ABL2: variants seen among roughly 807,000 people sequenced by gnomAD.
ABL2 encodes tyrosine-protein kinase ABL2.
ABL2 carries 49 observed loss-of-function variants against 107.7 expected under a neutral mutation model. The ratio of observed to expected loss-of-function variants is 0.45; its 90% CI spans 0.36 to 0.58. The LOEUF (loss-of-function observed/expected upper bound fraction) is 0.58. ABL2 is among the 20% of genes least tolerant of loss of function. The probability of loss-of-function intolerance (pLI) is 0.00; values close to 1 mark genes in which losing one functional copy is unlikely to be tolerated. For missense variants in ABL2, 1,245 were observed against 1,457.0 expected, an observed-to-expected ratio of 0.85 and a Z score of 2.37; for synonymous variants, 549 against 548.6, an observed-to-expected ratio of 1.00 and a Z score of -0.01.
At position 179,110,371 on chromosome 1, in the gene ABL2, G is replaced by A; in HGVS notation, c.1736C>T (p.Thr579Ile). The change falls in exon 11 of 12, where the codon ACT becomes ATT. Residue 579 changes from threonine (T) to isoleucine (I), a missense_variant. This residue lies in a region of ABL2 where 761 missense variants were observed against 766.4 expected (regional missense o/e 0.99). Transcript: ENST00000502732. ...CTCCACCTGTTTCTTCAGTGTCCGA[G>A]TCTTGGAAGGAAGTATAGGTAGCCG... ...LPRLPILPSKTRTLKKQVENK... is the reference protein window; with the variant it reads ...LPRLPILPSKIRTLKKQVENK... 1.2e-6 allele frequency: 2 copies of A among 1,614,200 alleles called. No homozygotes were observed. Among genetic ancestry groups the A allele is most frequent in the Non-Finnish European group, 1.7e-6 (2 of 1,180,042 alleles).
intron 1 of ABL2, among the ~76,000 whole-genome samples, chr1:179,228,026 G>T (rs1459434682): frequency 6.9e-6 from 1 of 145,964 alleles, no homozygotes; most frequent in Admixed American, 6.9e-5. Flanking sequence ...CTCCAGCCTG[G>T]GCGACAGAAT....
At chr1:179,218,475 C>A (rs769954655) in intron 1 of ABL2, among the ~76,000 whole-genome samples, 2 of 152,192 alleles carry the variant, frequency 1.3e-5, no homozygotes, top group Non-Finnish European at 2.9e-5. Flanking sequence ...CGGCTCACTG[C>A]AGCCTCTGCC....
chr1:179,200,603 C>T (rs1661613049), intron 1 of ABL2, among the ~76,000 whole-genome samples: 1 of 152,152 alleles, frequency 6.6e-6, no homozygotes, highest in South Asian at 2.1e-4. Context: ...AAAATGCTAC[C>T]TACCCATTGA....
chr1:179,141,792 C>G (rs1657617682), intron 1 of ABL2, among the ~76,000 whole-genome samples: 1 of 152,194 alleles, frequency 6.6e-6, no homozygotes. Flanking sequence ...AAACACCATT[C>G]TACCCATTAG....
intron 1 of ABL2, among the ~76,000 whole-genome samples, chr1:179,172,369 T>C (rs1257197745): frequency 6.6e-6 from 1 of 152,158 alleles, no homozygotes; most frequent in African/African-American, 2.4e-5. Flanking sequence ...TGCACATTGT[T>C]CTAAGTCAGT....
Position 179,211,360 on chromosome 1 carries a change from T to C in ABL2, c.157+17881A>G, listed in dbSNP as rs192238535. On this transcript the variant is annotated intron_variant, in intron 1 of 11. Coordinates refer to ENST00000502732, the MANE Select transcript of ABL2 (RefSeq NM_007314.4). ...AAAAGAGATGTAATCCCTAAAAAAATTTTTTTTTTAATTTAACCAGGTGGG... is the reference window on the plus strand; with the variant it reads ...AAAAGAGATGTAATCCCTAAAAAAACTTTTTTTTTAATTTAACCAGGTGGG... Among the ~76,000 whole-genome samples the C allele has an allele frequency of 2.0e-5, 3 of 150,024 alleles. No individual in the cohort carries two copies. The East Asian group carries it at 5.9e-4, about 29-fold the overall frequency.
intron 1 of ABL2, among the ~76,000 whole-genome samples, chr1:179,162,302 A>G (rs981127074): frequency 3.9e-5 from 6 of 152,184 alleles, no homozygotes; most frequent in Admixed American, 1.3e-4. Context: ...ACCATCCAAA[A>G]GATAGCTAGA....
At chr1:179,129,021 T>C (rs943368510) in intron 3 of ABL2, among the ~76,000 whole-genome samples, 1 of 152,152 alleles carries the variant, frequency 6.6e-6, no homozygotes, top group Non-Finnish European at 1.5e-5. Context: ...AAGCAAAATA[T>C]CATTTTCAAT....
chr1:179,203,227 G>A (rs1256030114), intron 1 of ABL2, among the ~76,000 whole-genome samples: 6 of 152,078 alleles, frequency 3.9e-5, no homozygotes, highest in African/African-American at 1.4e-4. Flanking sequence ...ATTTCCTAAC[G>A]TCAAAACAAA....
intron 1 of ABL2, among the ~76,000 whole-genome samples, chr1:179,217,227 G>A (rs183591204): frequency 1.2e-4 from 19 of 152,048 alleles, no homozygotes; most frequent in Admixed American, 6.5e-4. Flanking sequence ...TCAGAAGGCC[G>A]AGGTTGAACC....
intron 1 of ABL2, among the ~76,000 whole-genome samples, chr1:179,211,531 A>T (rs1056317509): frequency 3.3e-5 from 5 of 152,144 alleles, no homozygotes; most frequent in Admixed American, 1.3e-4. Context: ...AATAAAAATA[A>T]AAATAAAATT....
chr1:179,117,283 A>T, intron 8 of ABL2, 49 bp downstream of exon 8: 1 of 1,520,614 alleles, frequency 6.6e-7, no homozygotes, highest in Non-Finnish European at 9.1e-7. Context: ...CAAGGCATTT[A>T]TAAAAAAAAA....
chr1:179,222,306 T>C (rs1662914878), intron 1 of ABL2, among the ~76,000 whole-genome samples: 2 of 152,296 alleles, frequency 1.3e-5, no homozygotes, highest in Middle Eastern at 3.4e-3. Flanking sequence ...CTCAGCTCAC[T>C]GCAACCTCCG....
intron 1 of ABL2, among the ~76,000 whole-genome samples, chr1:179,205,049 CTGAG>C (rs1661885897): frequency 7.3e-6 from 1 of 137,680 alleles, no homozygotes; most frequent in African/African-American, 2.7e-5. Flanking sequence ...TTTTTTGAGA[CTGAG>C]TCTCACTCTG....
At chr1:179,118,947 T>C (rs1654918487) in intron 6 of ABL2, among the ~76,000 whole-genome samples, 183 bp from the exon 7 acceptor site, 1 of 152,196 alleles carries the variant, frequency 6.6e-6, no homozygotes. Flanking sequence ...AGGGAGTCCT[T>C]GCTTTCACTG....
intron 1 of ABL2, among the ~76,000 whole-genome samples, chr1:179,170,108 C>A (rs1442353789): frequency 6.6e-6 from 1 of 152,120 alleles, no homozygotes; most frequent in Non-Finnish European, 1.5e-5. Flanking sequence ...GGGCATAGCA[C>A]CAACATCTGG....
At chr1:179,209,704 C>G (rs1226292064) in intron 1 of ABL2, among the ~76,000 whole-genome samples, 1 of 151,978 alleles carries the variant, frequency 6.6e-6, no homozygotes, top group East Asian at 1.9e-4. Flanking sequence ...CTCTAGCTAC[C>G]AAAATCAAAA....
chr1:179,126,335 G>A lies in ABL2; in HGVS notation c.687+42C>T, dbSNP rs767186463. The A allele has an allele frequency of 7.0e-6, 11 of 1,571,820 alleles. No homozygotes were observed. Among genetic ancestry groups the A allele is most frequent in the African/African-American group, 4.1e-5 (3 of 74,066 alleles). On this transcript the variant is annotated intron_variant, in intron 4 of 11. Coordinates refer to ENST00000502732, the MANE Select transcript of ABL2 (RefSeq NM_007314.4). The surrounding 1 kb of genome is among the most constrained non-coding windows in gnomAD (Gnocchi z 4.4). Reference sequence around the variant, plus strand: ...ATCACGTTGAATATTATTTCACAGAGTAGCCAGTCCATGCTTAAAGGTGGT... The same window carrying A: ...ATCACGTTGAATATTATTTCACAGAATAGCCAGTCCATGCTTAAAGGTGGT...
At chr1:179,171,910 T>C (rs1571243953) in intron 1 of ABL2, among the ~76,000 whole-genome samples, 1 of 152,288 alleles carries the variant, frequency 6.6e-6, no homozygotes, top group Admixed American at 6.5e-5. Flanking sequence ...GAGAAAAAAC[T>C]CAAAACTAAC....
Sources: gnomAD v4.1 joint callset for allele counts (sites outside exome capture counted in the v4.1 genomes callset) on GRCh38, gnomAD v4.1.1 for gene constraint, gnomAD v4.1.1 regional missense constraint, Gnocchi (gnomAD v3.1) non-coding constraint, MANE v1.5 for transcripts, NCBI Gene and HGNC (gene_info 2026-07-23, HGNC 2026-07-21) for gene names.